Variants in XKR4 observed in about 807,000 individuals in gnomAD.
XKR4 encodes XK related 4, also known as XK-related protein 4.
A neutral mutation model predicts 53.9 loss-of-function variants in XKR4; 12 were observed. That is an observed-to-expected ratio of 0.22 (90% CI 0.14 to 0.36). XKR4 has a LOEUF of 0.36. Among genes scored for constraint, XKR4 ranks in the 10% least tolerant of loss-of-function variants. XKR4 has a pLI of 1.00. For synonymous variants in XKR4, 354 were observed against 362.4 expected (o/e 0.98, Z 0.26); for missense variants, 799 against 859.5 (o/e 0.93, Z 0.88).
intron 1 of XKR4, among the ~76,000 whole-genome samples, chr8:55,255,674 T>C (rs1818429125): frequency 6.6e-6 from 1 of 152,132 alleles, no homozygotes; most frequent in East Asian, 1.9e-4. Flanking sequence ...AGAATTGTAA[T>C]TAAACATAAA....
Position 55,238,698 on chromosome 8 carries a change from G to A in XKR4, c.807-118980G>A, listed in dbSNP as rs577549855. On this transcript the variant is annotated intron_variant, in intron 1 of 2. Transcript: ENST00000327381. ...CCAACTGCCCAGCGAAAACCCAGGA[G>A]GAAGTGCAGTTCTGTTATTAAAAGG... Among the ~76,000 whole-genome samples, 6 of 152,228 alleles carry A rather than the reference G, an allele frequency of 3.9e-5. No homozygotes were observed. The East Asian group carries it at 1.2e-3, about 29-fold the overall frequency.
At chr8:55,178,750 G>C (rs919000976) in intron 1 of XKR4, among the ~76,000 whole-genome samples, 4 of 152,098 alleles carry the variant, frequency 2.6e-5, no homozygotes, top group Non-Finnish European at 4.4e-5. Context: ...AAAAACCAGA[G>C]TTGGAAAAAC....
At chr8:55,451,460 G>A (rs1805441956) in intron 2 of XKR4, 2 of 1,251,848 alleles carry the variant, frequency 1.6e-6, no homozygotes, top group African/African-American at 3.0e-5. Flanking sequence ...TACTTCTCCT[G>A]CTCCAGGCTA....
intron 1 of XKR4, among the ~76,000 whole-genome samples, chr8:55,199,575 C>T (rs1817546919): frequency 6.6e-6 from 1 of 152,170 alleles, no homozygotes; most frequent in South Asian, 2.1e-4. Context: ...GGGATATTAA[C>T]CACCTGCGCA....
At chr8:55,449,906 C>T in intron 2 of XKR4, 2 of 877,400 alleles carry the variant, frequency 2.3e-6, no homozygotes, top group East Asian at 4.9e-5. Flanking sequence ...TGGCGGGAGC[C>T]AGATGCGGTC....
At chr8:55,396,363 C>CAAGGGG (rs1423253833) in intron 2 of XKR4, among the ~76,000 whole-genome samples, 1 of 137,408 alleles carries the variant, frequency 7.3e-6, no homozygotes, top group Non-Finnish European at 1.5e-5. Flanking sequence ...GGACAGAGGG[C>CAAGGGG]AAGGGGAAGG....
At chr8:55,236,008 C>T (rs886591910) in intron 1 of XKR4, among the ~76,000 whole-genome samples, 1 of 152,132 alleles carries the variant, frequency 6.6e-6, no homozygotes, top group Non-Finnish European at 1.5e-5. Context: ...TATTTAGAAC[C>T]CCAAAGCTTG....
At chr8:55,425,992 G>C (rs1805007051) in intron 2 of XKR4, among the ~76,000 whole-genome samples, 1 of 152,148 alleles carries the variant, frequency 6.6e-6, no homozygotes, top group South Asian at 2.1e-4. Context: ...CCCATCTTCA[G>C]ACTGGATTCT....
chr8:55,117,716 C>T (rs117479583), intron 1 of XKR4, among the ~76,000 whole-genome samples: 2,430 of 152,210 alleles, frequency 0.016, 28 homozygotes, highest in Middle Eastern at 0.048. Flanking sequence ...CTTTTGTTTC[C>T]GAATCTCATG....
intron 1 of XKR4, 55 bp downstream of exon 1, chr8:55,103,349 T>G: frequency 2.0e-6 from 3 of 1,527,462 alleles, no homozygotes; most frequent in Non-Finnish European, 2.6e-6. Flanking sequence ...ACATCCCCAC[T>G]GCTTTGCTTT....
chr8:55,146,174 A>C (rs542138114), intron 1 of XKR4, among the ~76,000 whole-genome samples: 1 of 152,288 alleles, frequency 6.6e-6, no homozygotes, highest in East Asian at 1.9e-4. Flanking sequence ...GAGGTCTGAA[A>C]GATGTGTTCC....
intron 1 of XKR4, among the ~76,000 whole-genome samples, chr8:55,148,214 G>A (rs952463392): frequency 6.6e-5 from 10 of 152,092 alleles, no homozygotes; most frequent in African/African-American, 2.4e-4. Context: ...GCTCCAGCCT[G>A]GACAACATGG....
chr8:55,306,782 T>G (rs1819307082), intron 1 of XKR4, among the ~76,000 whole-genome samples: 1 of 152,134 alleles, frequency 6.6e-6, no homozygotes, highest in African/African-American at 2.4e-5. Context: ...ATATAAGTGC[T>G]CAACTGATTT....
chr8:55,113,583 A>T (rs972613390), intron 1 of XKR4, among the ~76,000 whole-genome samples: 4 of 152,172 alleles, frequency 2.6e-5, no homozygotes, highest in African/African-American at 9.7e-5. Context: ...TATTTATTTA[A>T]TTTTTATAGA....
Position 55,455,085 on chromosome 8 carries a change from C to T in XKR4, c.1007-68196C>T, listed in dbSNP as rs939230458. On this transcript the variant is annotated intron_variant, in intron 2 of 2. Transcript: ENST00000327381. Reference sequence around the variant, plus strand: ...ATCTGGCCCTGGCCTTTCCCACTCCCGCGCGGGTGCGGCCTGAATGCCACC... The same window carrying T: ...ATCTGGCCCTGGCCTTTCCCACTCCTGCGCGGGTGCGGCCTGAATGCCACC... 1.0e-5 allele frequency: 7 copies of T among 680,580 alleles called. No individual in the cohort carries two copies. In the East Asian group the frequency reaches 1.1e-4, roughly 11 times the overall value. The allele number at this position is 680,580 out of a possible 1,614,324, so 42.2% of individuals were successfully genotyped here.
chr8:55,222,901 A>C (rs2129365637), intron 1 of XKR4, among the ~76,000 whole-genome samples: 1 of 152,234 alleles, frequency 6.6e-6, no homozygotes, highest in African/African-American at 2.4e-5. Flanking sequence ...CAGCTTCCAG[A>C]GTCAAAGTGG....
At chr8:55,209,462 G>T (rs890506226) in intron 1 of XKR4, among the ~76,000 whole-genome samples, 1 of 152,150 alleles carries the variant, frequency 6.6e-6, no homozygotes, top group African/African-American at 2.4e-5. Context: ...TTAATTCCAC[G>T]CTGTGCATCC....
chr8:55,298,917 T>A (rs1212745900), intron 1 of XKR4, among the ~76,000 whole-genome samples: 1 of 152,166 alleles, frequency 6.6e-6, no homozygotes, highest in African/African-American at 2.4e-5. Flanking sequence ...AGGAACAAGG[T>A]TATTCTCTAT....
At chr8:55,490,892 G>T (rs1033244041) in intron 2 of XKR4, among the ~76,000 whole-genome samples, 4 of 151,486 alleles carry the variant, frequency 2.6e-5, no homozygotes, top group African/African-American at 7.3e-5. Context: ...CTCAAATTTA[G>T]AAATGTTTCA....
Sources: allele counts gnomAD v4.1 joint callset (sites outside exome capture counted in the v4.1 genomes callset), GRCh38; gene constraint gnomAD v4.1.1; transcripts MANE v1.5; gene names NCBI Gene and HGNC (gene_info 2026-07-23, HGNC 2026-07-21).